Variants in FAM133A observed in about 807,000 individuals in gnomAD.
FAM133A encodes protein FAM133A.
For synonymous variants in FAM133A, 65 were observed against 58.6 expected (o/e 1.11, Z -0.50); for missense variants, 159 against 164.4 (o/e 0.97, Z 0.18).
In FAM133A at chrX:93,710,991, A is replaced by T. The variant is rs976955217; in HGVS notation, c.*825A>T. On this transcript the variant is annotated 3_prime_UTR_variant, in exon 4 of 4. Coordinates refer to ENST00000683942, the MANE Select transcript of FAM133A (RefSeq NM_001171109.2). ...TGTTGTTTGATTAAGAAATATTCTG[A>T]AATTTTTTTTGCATGTTTTATACTG... The T allele has an allele frequency of 8.1e-6, 1 of 123,078 alleles. No homozygotes were observed. The highest frequency in any genetic ancestry group is 1.9e-5 in the Non-Finnish European group (1 of 53,193). The allele number at this position is 123,078 out of a possible 1,213,427, so 10.1% of individuals were successfully genotyped here.
intron 2 of FAM133A, among the ~76,000 whole-genome samples, chrX:93,688,820 T>G (rs1227967504): frequency 9.1e-6 from 1 of 110,368 alleles, no homozygotes; most frequent in Non-Finnish European, 1.9e-5. Context: ...AAAATACAAG[T>G]ATGAGACACC....
At chrX:93,679,914 AATTTTTTTTTTTTTTTTTTTTTTTTT>A (rs1284812404) in intron 2 of FAM133A, among the ~76,000 whole-genome samples, 3 of 51,997 alleles carry the variant, frequency 5.8e-5, no homozygotes, top group Non-Finnish European at 6.3e-5. Flanking sequence ...ACTCCTGGCA[AATTTTTTTTTTTTTTTTTTTTTTTTT>A]TTTTTTTTTT....
intron 2 of FAM133A, among the ~76,000 whole-genome samples, chrX:93,677,731 A>G (rs1030959148): frequency 1.8e-5 from 2 of 111,675 alleles, no homozygotes; most frequent in Admixed American, 9.5e-5. Context: ...AAATTTACCC[A>G]TGTTGTTGTG....
chrX:93,693,109 A>G (rs1175239837), intron 2 of FAM133A, among the ~76,000 whole-genome samples: 1 of 111,490 alleles, frequency 9.0e-6, no homozygotes, highest in Admixed American at 9.5e-5. Flanking sequence ...AAAAGAGAAT[A>G]AGAGGAAGAA....
intron 3 of FAM133A, among the ~76,000 whole-genome samples, chrX:93,701,355 C>T (rs1372563464): frequency 9.0e-6 from 1 of 111,501 alleles, no homozygotes; most frequent in Non-Finnish European, 1.9e-5. Flanking sequence ...GGAACCTTGT[C>T]AAGGATTTCT....
chrX:93,681,175 G>T (rs1925119450), intron 2 of FAM133A, among the ~76,000 whole-genome samples: 2 of 110,194 alleles, frequency 1.8e-5, no homozygotes, highest in African/African-American at 6.6e-5. Flanking sequence ...TATAAAGGAA[G>T]AAAAAATCCA....
intron 2 of FAM133A, among the ~76,000 whole-genome samples, chrX:93,691,535 G>C (rs1925897680): frequency 8.9e-6 from 1 of 111,934 alleles, no homozygotes; most frequent in South Asian, 3.7e-4. Flanking sequence ...TGTCTTAACT[G>C]TGGCTTTATA....
At chrX:93,681,211 T>C (rs1925122603) in intron 2 of FAM133A, among the ~76,000 whole-genome samples, 1 of 110,773 alleles carries the variant, frequency 9.0e-6, no homozygotes, top group South Asian at 3.7e-4. Context: ...GGACAATGTT[T>C]ACAATATATA....
intron 2 of FAM133A, among the ~76,000 whole-genome samples, chrX:93,678,878 G>A (rs1349505356): frequency 8.9e-6 from 1 of 111,799 alleles, no homozygotes; most frequent in Non-Finnish European, 1.9e-5. Flanking sequence ...GAAAGAATGA[G>A]AACAAAATTG....
Position 93,710,413 on chromosome X carries a change from A to G in FAM133A, c.*247A>G, listed in dbSNP as rs978065978. The G allele has an allele frequency of 6.9e-6, 2 of 290,640 alleles. No individual in the cohort carries two copies. Among genetic ancestry groups the G allele is most frequent in the Non-Finnish European group, 1.2e-5 (2 of 160,108 alleles). 24.0% of individuals were successfully genotyped at this position (290,640 alleles called of 1,213,427 possible). On this transcript the variant is annotated 3_prime_UTR_variant, in exon 4 of 4. Transcript: ENST00000683942. The stretch of plus-strand genomic sequence containing the variant: ...GAAATTAAAGTAAAATGTGTTAGAT[A>G]ATGAATAACTTTGACAAAAAAAAGT...
At chrX:93,700,524 A>G (rs1460045517) in intron 3 of FAM133A, among the ~76,000 whole-genome samples, 1 of 111,339 alleles carries the variant, frequency 9.0e-6, no homozygotes, top group Non-Finnish European at 1.9e-5. Context: ...TGATCCCTCC[A>G]CATGTTTTTT....
chrX:93,696,258 G>A (rs1926261653), intron 2 of FAM133A, among the ~76,000 whole-genome samples: 1 of 111,228 alleles, frequency 9.0e-6, no homozygotes, highest in South Asian at 3.8e-4. Flanking sequence ...TTCACCCGCC[G>A]TATGCTTGGA....
At chrX:93,679,591 A>G (rs1025334184) in intron 2 of FAM133A, among the ~76,000 whole-genome samples, 2 of 111,154 alleles carry the variant, frequency 1.8e-5, no homozygotes, top group African/African-American at 6.5e-5. Flanking sequence ...AAAATTACAT[A>G]TATTTTGCCA....
At chrX:93,693,587 T>C (rs1688633951) in intron 2 of FAM133A, among the ~76,000 whole-genome samples, 1 of 111,040 alleles carries the variant, frequency 9.0e-6, no homozygotes, top group African/African-American at 3.3e-5. Flanking sequence ...ACCCACAAGG[T>C]AGAGACAGCA....
intron 2 of FAM133A, among the ~76,000 whole-genome samples, chrX:93,685,547 G>A (rs1467223403): frequency 9.0e-6 from 1 of 111,593 alleles, no homozygotes; most frequent in African/African-American, 3.3e-5. Flanking sequence ...TAAGACTTAT[G>A]CTTACTGGAC....
chrX:93,679,332 T>C (rs1924940400), intron 2 of FAM133A, among the ~76,000 whole-genome samples: 1 of 111,790 alleles, frequency 8.9e-6, no homozygotes, highest in Non-Finnish European at 1.9e-5. Context: ...GCAGTGGTTT[T>C]CAAACAAAAA....
intron 2 of FAM133A, among the ~76,000 whole-genome samples, chrX:93,687,323 T>A (rs1925596590): frequency 9.0e-6 from 1 of 110,665 alleles, no homozygotes; most frequent in Non-Finnish European, 1.9e-5. Context: ...TATAATGGAC[T>A]TTGAGGACTC....
At chrX:93,696,189 A>T (rs1926253817) in intron 2 of FAM133A, among the ~76,000 whole-genome samples, 1 of 111,354 alleles carries the variant, frequency 9.0e-6, no homozygotes, top group South Asian at 3.8e-4. Context: ...GTTACCAGGC[A>T]GCTCGATAAA....
At chrX:93,694,909 A>G (rs1315933700) in intron 2 of FAM133A, among the ~76,000 whole-genome samples, 1 of 111,893 alleles carries the variant, frequency 8.9e-6, no homozygotes, top group Non-Finnish European at 1.9e-5. Context: ...TATCAAACTA[A>G]ACATTCCTGT....
Sources: gnomAD v4.1 joint callset for allele counts (sites outside exome capture counted in the v4.1 genomes callset) on GRCh38, gnomAD v4.1.1 for gene constraint, MANE v1.5 for transcripts, NCBI Gene and HGNC (gene_info 2026-07-23, HGNC 2026-07-21) for gene names.